PDE5A: variants seen among roughly 807,000 people sequenced by gnomAD.
PDE5A encodes the protein phosphodiesterase 5A, also known as cGMP-specific 3',5'-cyclic phosphodiesterase.
PDE5A carries 67 observed loss-of-function variants against 110.2 expected under a neutral mutation model. The ratio of observed to expected loss-of-function variants is 0.61; its 90% confidence interval spans 0.50 to 0.75. The LOEUF is 0.75. Ranked by LOEUF, PDE5A falls within the 30% of genes least tolerant of loss-of-function variation. The pLI, the probability that PDE5A is intolerant of heterozygous loss-of-function variation, is 0.00. For missense variants in PDE5A, 862 were observed against 1,045.1 expected (o/e 0.82, Z 2.42); for synonymous variants, 328 against 351.2 (o/e 0.93, Z 0.74).
intron 3 of PDE5A, among the ~76,000 whole-genome samples, chr4:119,592,015 T>A (rs1362454637): frequency 1.3e-5 from 2 of 151,210 alleles, no homozygotes; most frequent in African/African-American, 4.9e-5. Context: ...CTGGGTGTGG[T>A]GGCGCACGCC....
chr4:119,604,651 A>T (rs953578559), intron 2 of PDE5A, among the ~76,000 whole-genome samples: 1 of 152,136 alleles, frequency 6.6e-6, no homozygotes, highest in Admixed American at 6.5e-5. Flanking sequence ...ATTCTGAAAA[A>T]ACATTTCAGG....
intron 17 of PDE5A, among the ~76,000 whole-genome samples, chr4:119,504,861 AATT>A (rs1725503404): frequency 2.0e-5 from 3 of 152,150 alleles, no homozygotes; most frequent in African/African-American, 7.2e-5. Context: ...CAGACTGAAA[AATT>A]ATTAACCTTG....
intron 20 of PDE5A, 138 bp from the exon 21 acceptor site, chr4:119,498,876 G>T: frequency 1.3e-6 from 1 of 773,754 alleles, no homozygotes; most frequent in Non-Finnish European, 2.1e-6. Flanking sequence ...AGCTTTGTGA[G>T]CACATACACA....
chr4:119,559,404 T>G (rs184363342), intron 7 of PDE5A, among the ~76,000 whole-genome samples: 1 of 152,306 alleles, frequency 6.6e-6, no homozygotes, highest in Admixed American at 6.5e-5. Context: ...ATTCATCATT[T>G]TGGACTTTTA....
In PDE5A at chr4:119,558,508, A is replaced by G. The variant is rs530740299; in HGVS notation, c.1199+1788T>C. ...AATGAGAATTGGAGTCCTAAATCCT[A>G]CCAATAATCAGTTTTAGGAACAAAA... On this transcript the variant is annotated intron_variant, in intron 7 of 20. Transcript: ENST00000354960. Among the ~76,000 whole-genome samples, 28 of 152,292 alleles carry G rather than the reference A, an allele frequency of 1.8e-4. No individual in the cohort carries two copies. The East Asian group carries it at 5.4e-3, about 29-fold the overall frequency.
At chr4:119,528,432 T>C (rs1726404626) in intron 11 of PDE5A, among the ~76,000 whole-genome samples, 1 of 140,060 alleles carries the variant, frequency 7.1e-6, no homozygotes, top group Non-Finnish European at 1.6e-5. Context: ...AAATACCATC[T>C]AACTGATGAG....
At chr4:119,583,240 T>C (rs1163284382) in intron 3 of PDE5A, among the ~76,000 whole-genome samples, 3 of 152,242 alleles carry the variant, frequency 2.0e-5, no homozygotes, top group Non-Finnish European at 4.4e-5. Flanking sequence ...CCTTGCACTT[T>C]TGTGTTATGC....
At chr4:119,568,810 T>A (rs1728038323) in intron 3 of PDE5A, among the ~76,000 whole-genome samples, 1 of 152,178 alleles carries the variant, frequency 6.6e-6, no homozygotes, top group African/African-American at 2.4e-5. Flanking sequence ...TTCTGATAAA[T>A]ATGCAGTACA....
At chr4:119,520,122 A>G (rs1726071260) in intron 13 of PDE5A, among the ~76,000 whole-genome samples, 1 of 152,138 alleles carries the variant, frequency 6.6e-6, no homozygotes, top group Non-Finnish European at 1.5e-5. Context: ...AAATACTACT[A>G]TTGTATTTAA....
chr4:119,552,651 A>T lies in PDE5A; in HGVS notation c.1309-14T>A. The T allele has an allele frequency of 7.2e-7, 1 of 1,393,086 alleles. No homozygotes were observed. Among genetic ancestry groups the T allele is most frequent in the Non-Finnish European group, 9.8e-7 (1 of 1,020,210 alleles). The allele number at this position is 1,393,086 out of a possible 1,614,324, so 86.3% of individuals were successfully genotyped here. A position where few individuals can be genotyped will look rare whatever the true frequency, so the allele number is the denominator to read the frequency against. ...TGTATTTTCAGTCTAAACAAAAATA[A>T]AAAGAACAAAACAGCTAAAATGGTA... is the stretch of plus-strand genomic sequence containing the variant. On this transcript the variant is annotated splice_polypyrimidine_tract_variant and intron_variant, in intron 8 of 20. Coordinates refer to ENST00000354960, the MANE Select transcript of PDE5A (RefSeq NM_001083.4).
At chr4:119,514,479 CCTT>C (rs1166379986) in intron 14 of PDE5A, among the ~76,000 whole-genome samples, 1 of 111,106 alleles carries the variant, frequency 9.0e-6, no homozygotes, top group Non-Finnish European at 2.0e-5. Context: ...TCCCAATCAA[CCTT>C]TTTTTTTTTT....
chr4:119,562,532 A>G (rs966226877), intron 6 of PDE5A, among the ~76,000 whole-genome samples: 5 of 152,148 alleles, frequency 3.3e-5, no homozygotes, highest in Non-Finnish European at 7.4e-5. Context: ...ATATTTCTCC[A>G]TGAAGACAGT....
At chr4:119,565,238 A>G (rs1727883378) in intron 5 of PDE5A, 83 bp downstream of exon 5, 1 of 874,740 alleles carries the variant, frequency 1.1e-6, no homozygotes, top group Admixed American at 2.4e-5. Context: ...TAAATTTTTA[A>G]TCATCTGCAT....
intron 1 of PDE5A, among the ~76,000 whole-genome samples, chr4:119,623,064 G>A (rs1454495917): frequency 6.7e-6 from 1 of 149,372 alleles, no homozygotes; most frequent in Non-Finnish European, 1.5e-5. Flanking sequence ...AATTTAAAAT[G>A]AGAATATCAG....
intron 3 of PDE5A, among the ~76,000 whole-genome samples, chr4:119,574,525 A>G (rs923879675): frequency 2.0e-5 from 3 of 152,096 alleles, no homozygotes; most frequent in African/African-American, 7.2e-5. Context: ...TCAAGGAATC[A>G]TGGAGACCAA....
At chr4:119,540,841 G>A (rs759464831) in intron 10 of PDE5A, among the ~76,000 whole-genome samples, 1 of 152,076 alleles carries the variant, frequency 6.6e-6, no homozygotes, top group African/African-American at 2.4e-5. Context: ...GTCTCATAAA[G>A]AAAGGACCAT....
chr4:119,535,381 C>T (rs1726694357), intron 11 of PDE5A, among the ~76,000 whole-genome samples: 1 of 152,078 alleles, frequency 6.6e-6, no homozygotes. Context: ...GTAAAACCTC[C>T]CAGCCTTCCA....
chr4:119,528,634 C>T (rs775787751), intron 11 of PDE5A: 6 of 152,134 alleles, frequency 3.9e-5, no homozygotes, highest in Non-Finnish European at 7.3e-5. Flanking sequence ...GATGTTCAAT[C>T]TCTCTGCCTG....
At chr4:119,619,755 C>T (rs1219709439) in intron 1 of PDE5A, among the ~76,000 whole-genome samples, 1 of 152,144 alleles carries the variant, frequency 6.6e-6, no homozygotes, top group Non-Finnish European at 1.5e-5. Flanking sequence ...AGGAAACACG[C>T]ATTATTTCCT....
Sources: allele counts gnomAD v4.1 joint callset (sites outside exome capture counted in the v4.1 genomes callset), GRCh38; gene constraint gnomAD v4.1.1; transcripts MANE v1.5; gene names NCBI Gene and HGNC (gene_info 2026-07-23, HGNC 2026-07-21).